PCDHGA12: variants seen among roughly 807,000 people sequenced by gnomAD.
The protein encoded by PCDHGA12 is protocadherin gamma subfamily A, 12, also known as protocadherin gamma-A12.
Under a neutral mutation model 61.1 loss-of-function variants are expected in PCDHGA12, and 43 were observed. The ratio of observed to expected loss-of-function variants is 0.70; its 90% CI spans 0.55 to 0.91. The LOEUF (loss-of-function observed/expected upper bound fraction) is 0.91, where lower values mean the gene tolerates loss of function less well. Ranked by LOEUF, PCDHGA12 falls within the 40% of genes least tolerant of loss-of-function variation. PCDHGA12 has a pLI of 0.00. For synonymous variants in PCDHGA12, 520 were observed against 542.9 expected (o/e 0.96, Z 0.59); for missense variants, 1,236 against 1,227.7 (o/e 1.01, Z -0.10).
chr5:141,455,158 T>TG (rs1279537888), intron 1 of PCDHGA12, among the ~76,000 whole-genome samples: 46 of 145,032 alleles, frequency 3.2e-4, no homozygotes, highest in African/African-American at 1.0e-3. Flanking sequence ...ATTAGTTTGT[T>TG]GGTTTTTTTT....
Position 141,489,065 on chromosome 5 carries a change from C to T in PCDHGA12, c.2425-5742C>T, listed in dbSNP as rs558074504. On this transcript the variant is annotated intron_variant, in intron 1 of 3. Coordinates refer to ENST00000252085, the MANE Select transcript of PCDHGA12 (RefSeq NM_003735.3). This position sits in a 1 kb window ranked among gnomAD's most constrained non-coding sequence, Gnocchi z 4.5. ...CCACTCAAATTCAGCTCCCCTCCCC[C>T]CTGCCCACCCCCGCCACTCGGTGAC... 3.3e-5 allele frequency: 13 copies of T among 388,932 alleles called. 1 individual carries two copies. Among genetic ancestry groups the T allele is most frequent in the African/African-American group, 8.5e-5 (4 of 47,158 alleles). 24.1% of individuals were successfully genotyped at this position (388,932 alleles called of 1,614,324 possible).
intron 2 of PCDHGA12, among the ~76,000 whole-genome samples, chr5:141,501,102 C>G (rs951290710): frequency 2.0e-5 from 3 of 152,014 alleles, no homozygotes; most frequent in African/African-American, 4.8e-5. Flanking sequence ...CTCTTGACCT[C>G]GTGATCCGCC....
Position 141,431,349 on chromosome 5 carries a change from A to G in PCDHGA12, c.590A>G (p.Lys197Arg). 1.2e-6 allele frequency: 2 copies of G among 1,614,026 alleles called. No individual in the cohort carries two copies. The highest frequency in any genetic ancestry group is 4.5e-5 in the East Asian group (2 of 44,874). The change falls in exon 1 of 4, where the codon AAA becomes AGA. Residue 197 changes from lysine to arginine, a missense_variant. Coordinates refer to ENST00000252085, the MANE Select transcript of PCDHGA12 (RefSeq NM_003735.3). This position sits in a 1 kb window ranked among gnomAD's most constrained non-coding sequence, Gnocchi z 4.8. ...AGTAAGTACCCCGAATTGGTGCTGAAACGCGCCCTGGACCGCGAAGAAAAG... is the reference window on the plus strand; with the variant it reads ...AGTAAGTACCCCGAATTGGTGCTGAGACGCGCCCTGGACCGCGAAGAAAAG... Reference protein sequence around the residue: ...DGSKYPELVLKRALDREEKAA... With the variant: ...DGSKYPELVLRRALDREEKAA...
At chr5:141,437,654 A>C (rs185455660) in intron 1 of PCDHGA12, among the ~76,000 whole-genome samples, 1 of 152,256 alleles carries the variant, frequency 6.6e-6, no homozygotes, top group African/African-American at 2.4e-5. Context: ...GCAAACACAT[A>C]GTTTCGAAGA....
chr5:141,474,403 C>G (rs553745731), intron 1 of PCDHGA12, among the ~76,000 whole-genome samples: 6 of 152,166 alleles, frequency 3.9e-5, no homozygotes, highest in Non-Finnish European at 5.9e-5. Context: ...ACAAGCTCCC[C>G]GGTGATGCCT....
chr5:141,435,396 G>A (rs562717014), intron 1 of PCDHGA12, among the ~76,000 whole-genome samples: 46 of 152,096 alleles, frequency 3.0e-4, no homozygotes, highest in African/African-American at 9.4e-4. Context: ...TTGCCATGAC[G>A]AAAAATGGTA....
rs2099695548 is a variant in PCDHGA12, at chr5:141,490,059, C to T, written c.2425-4748C>T. On this transcript the variant is annotated intron_variant, in intron 1 of 3. Coordinates refer to ENST00000252085, the MANE Select transcript of PCDHGA12 (RefSeq NM_003735.3). The surrounding 1 kb of genome is among the most constrained non-coding windows in gnomAD (Gnocchi z 5.4). ...ATGCCACTGATCCAGACGAGGGCAC[C>T]AACGGCCAACTAGACTATTCTTTTG... 1.2e-6 allele frequency: 2 copies of T among 1,614,242 alleles called. No individual in the cohort carries two copies. The highest frequency in any genetic ancestry group is 1.7e-6 in the Non-Finnish European group (2 of 1,180,030).
In PCDHGA12 at chr5:141,486,407, C is replaced by A; in HGVS notation, c.2425-8400C>A. The A allele has an allele frequency of 6.2e-7, 1 of 1,614,134 alleles. No homozygotes were observed. The highest frequency in any genetic ancestry group is 8.5e-7 in the Non-Finnish European group (1 of 1,180,000). On this transcript the variant is annotated intron_variant, in intron 1 of 3. Transcript: ENST00000252085. This position sits in a 1 kb window ranked among gnomAD's most constrained non-coding sequence, Gnocchi z 5.0. Reference sequence around the variant, plus strand: ...CCAGTTCTCCCTGGTGACTGCTGGACCCTTGGATCGAGAGGCCAAATCTAG... The same window carrying A: ...CCAGTTCTCCCTGGTGACTGCTGGAACCTTGGATCGAGAGGCCAAATCTAG...
chr5:141,446,289 G>T (rs1333286399), intron 1 of PCDHGA12, among the ~76,000 whole-genome samples: 1 of 152,112 alleles, frequency 6.6e-6, no homozygotes, highest in Non-Finnish European at 1.5e-5. Flanking sequence ...GATAAATGGG[G>T]AGCAGGGATT....
chr5:141,464,907 T>A lies in PCDHGA12; in HGVS notation c.2425-29900T>A, dbSNP rs187725683. On this transcript the variant is annotated intron_variant, in intron 1 of 3. Transcript: ENST00000252085. ...ATGGATGCCACCATGTCCAGCTAAT[T>A]TTTTTATTTTTTTGTAGAGATGTGA... 4.5e-3 allele frequency among the ~76,000 whole-genome samples: 687 copies of A among 152,148 alleles called. 4 individuals are homozygous for A. Among genetic ancestry groups the A allele is most frequent in the African/African-American group, 0.015 (630 of 41,510 alleles).
chr5:141,508,550 G>T (rs1440375100), intron 3 of PCDHGA12, among the ~76,000 whole-genome samples: 3 of 152,138 alleles, frequency 2.0e-5, no homozygotes, highest in Non-Finnish European at 1.5e-5. Flanking sequence ...GGTGGGCGGG[G>T]GATGGCTTTG....
Position 141,431,075 on chromosome 5 carries a change from C to G in PCDHGA12, c.316C>G (p.Leu106Val). ...GGGGGCCATCAAGTGTCAATTAAAT[C>G]TAGACATTCTGATGGAGGATAAAGT... is the stretch of plus-strand genomic sequence containing the variant. ...CMGAIKCQLN[L>V]DILMEDKVKI... Residue 106 changes from leucine (L) to valine (V), a missense_variant, in exon 1 of 4, where the codon CTA becomes GTA. Leu to Val is a conservative substitution (Grantham distance 32, BLOSUM62 1). Coordinates refer to ENST00000252085, the MANE Select transcript of PCDHGA12 (RefSeq NM_003735.3). The surrounding 1 kb of genome is among the most constrained non-coding windows in gnomAD (Gnocchi z 4.8). 1 of 1,614,156 alleles carries G rather than the reference C, an allele frequency of 6.2e-7. No homozygotes were observed. Among genetic ancestry groups the G allele is most frequent in the Non-Finnish European group, 8.5e-7 (1 of 1,179,984 alleles).
intron 1 of PCDHGA12, among the ~76,000 whole-genome samples, chr5:141,494,392 A>C (rs1296077484): frequency 1.3e-5 from 2 of 152,258 alleles, no homozygotes; most frequent in East Asian, 3.9e-4. Flanking sequence ...GAGTTGAATA[A>C]ATTCATTCTA....
At chr5:141,495,149 G>A (rs1448841303) in intron 2 of PCDHGA12, among the ~76,000 whole-genome samples, 1 of 152,170 alleles carries the variant, frequency 6.6e-6, no homozygotes, top group Non-Finnish European at 1.5e-5. Context: ...CCAAAGGATG[G>A]TCTTAAGCTG....
chr5:141,455,919 A>T, intron 1 of PCDHGA12, among the ~76,000 whole-genome samples: 1 of 145,568 alleles, frequency 6.9e-6, no homozygotes, highest in Non-Finnish European at 1.5e-5. Context: ...TTATTTTGAG[A>T]CGGAGTCTCG....
At chr5:141,451,334 C>G (rs916812246) in intron 1 of PCDHGA12, among the ~76,000 whole-genome samples, 4 of 152,192 alleles carry the variant, frequency 2.6e-5, no homozygotes, top group Non-Finnish European at 4.4e-5. Context: ...AGGCTATTGT[C>G]TTATCTGAAG....
chr5:141,490,467 C>T lies in PCDHGA12; in HGVS notation c.2425-4340C>T. ...AGAACCACTACTCGCTGCTAACCAG[C>T]CAGCCTTTGGACCGGGAGGCCACAT... is the stretch of plus-strand genomic sequence containing the variant. On this transcript the variant is annotated intron_variant, in intron 1 of 3. Transcript: ENST00000252085. This position sits in a 1 kb window ranked among gnomAD's most constrained non-coding sequence, Gnocchi z 5.4. The T allele has an allele frequency of 6.2e-7, 1 of 1,614,216 alleles. No individual in the cohort carries two copies. The highest frequency in any genetic ancestry group is 8.5e-7 in the Non-Finnish European group (1 of 1,180,040).
At position 141,432,202 on chromosome 5, in the gene PCDHGA12, T is replaced by C; in HGVS notation, c.1443T>C (p.Cys481=). 1 of 1,614,120 alleles carries C rather than the reference T, an allele frequency of 6.2e-7. No homozygotes were observed. The highest frequency in any genetic ancestry group is 1.1e-5 in the South Asian group (1 of 91,072). ...LVSVTAHDPD[C]EENAQITYSL... ...CTGTGACCGCCCACGACCCCGACTGTGAAGAGAACGCCCAGATCACTTATT... is the reference window on the plus strand; with the variant it reads ...CTGTGACCGCCCACGACCCCGACTGCGAAGAGAACGCCCAGATCACTTATT... The change falls in exon 1 of 4, where the codon TGT becomes TGC. Residue 481 remains cysteine, a synonymous_variant. Coordinates refer to ENST00000252085, the MANE Select transcript of PCDHGA12 (RefSeq NM_003735.3). The surrounding 1 kb of genome is among the most constrained non-coding windows in gnomAD (Gnocchi z 6.0).
intron 1 of PCDHGA12, chr5:141,478,925 G>T: frequency 1.4e-6 from 1 of 700,562 alleles, no homozygotes; most frequent in Non-Finnish European, 2.2e-6. Context: ...TCTAACCAGT[G>T]GCAGCTTCTA....
Sources: allele counts gnomAD v4.1 joint callset (sites outside exome capture counted in the v4.1 genomes callset), GRCh38; gene constraint gnomAD v4.1.1; non-coding constraint Gnocchi (gnomAD v3.1); transcripts MANE v1.5; gene names NCBI Gene and HGNC (gene_info 2026-07-23, HGNC 2026-07-21).